The following CEP112 variants were observed in gnomAD, a reference collection of about 807,000 sequenced individuals.
CEP112 encodes the protein centrosomal protein of 112 kDa.
A neutral mutation model predicts 153.0 loss-of-function variants in CEP112; 127 were observed. That is an observed-to-expected ratio of 0.83 (90% CI 0.72 to 0.96). The LOEUF is 0.96. CEP112 is among the 40% of genes least tolerant of loss of function. The probability of loss-of-function intolerance (pLI) is 0.00; values close to 1 mark genes in which losing one functional copy is unlikely to be tolerated. For missense variants in CEP112, 1,089 were observed against 1,101.2 expected, an observed-to-expected ratio of 0.99 and a Z score of 0.16; for synonymous variants, 358 against 374.4, an observed-to-expected ratio of 0.96 and a Z score of 0.51.
chr17:65,757,492 T>G (rs1283746175), intron 21 of CEP112, among the ~76,000 whole-genome samples: 1 of 152,220 alleles, frequency 6.6e-6, no homozygotes, highest in Non-Finnish European at 1.5e-5. Context: ...AAATCCAGTA[T>G]GAGTCCCAGG....
chr17:66,059,541 G>A (rs923852821), intron 11 of CEP112, among the ~76,000 whole-genome samples: 3 of 152,042 alleles, frequency 2.0e-5, no homozygotes, highest in African/African-American at 7.2e-5. Context: ...ACAAACATAC[G>A]AAAAAATGTT....
At chr17:65,925,938 C>T (rs73346886) in intron 19 of CEP112, among the ~76,000 whole-genome samples, 5,726 of 152,238 alleles carry the variant, frequency 0.038, 320 homozygotes, top group African/African-American at 0.12. Context: ...TTCTAAGCCA[C>T]TGAGGTTTAG....
chr17:65,810,313 T>A (rs1046408119), intron 21 of CEP112, among the ~76,000 whole-genome samples: 34 of 152,134 alleles, frequency 2.2e-4, no homozygotes, highest in African/African-American at 8.2e-4. Flanking sequence ...CACACACATT[T>A]CCTAGCCCCC....
At position 65,639,836 on chromosome 17, in the gene CEP112, CTTTT is replaced by C. The variant is rs554226605; in HGVS notation, c.2799+1124_2799+1127del. Among the ~76,000 whole-genome samples, 5 of 110,954 alleles carry C rather than the reference CTTTT, an allele frequency of 4.5e-5. No homozygotes were observed. In the East Asian group the frequency reaches 1.1e-3, roughly 24 times the overall value. 72.8% of individuals were successfully genotyped at this position (110,954 alleles called of 152,430 possible). On this transcript the variant is annotated intron_variant, in intron 25 of 26. Coordinates refer to ENST00000535342, the MANE Select transcript of CEP112 (RefSeq NM_001199165.4). ...ATTTCTTTTTTTTCTCTCTTTCTTT[CTTTT>C]TTTTTTTTTTTTTTGAGACGGAGTC...
intron 11 of CEP112, among the ~76,000 whole-genome samples, chr17:66,059,885 T>C (rs1346837473): frequency 1.3e-5 from 2 of 152,074 alleles, no homozygotes; most frequent in Non-Finnish European, 2.9e-5. Flanking sequence ...AGCAAAGACA[T>C]GGAATCAACC....
intron 21 of CEP112, among the ~76,000 whole-genome samples, chr17:65,758,561 T>C (rs2052421345): frequency 6.6e-6 from 1 of 152,206 alleles, no homozygotes; most frequent in African/African-American, 2.4e-5. Flanking sequence ...CAGGCATTCA[T>C]GATTTCCAGG....
At chr17:65,841,170 A>C (rs1418603541) in intron 21 of CEP112, among the ~76,000 whole-genome samples, 1 of 151,906 alleles carries the variant, frequency 6.6e-6, no homozygotes, top group Non-Finnish European at 1.5e-5. Flanking sequence ...AAGAAAGGAA[A>C]TTAGTATACC....
intron 19 of CEP112, chr17:65,913,455 T>C: frequency 1.0e-6 from 1 of 973,724 alleles, no homozygotes; most frequent in Non-Finnish European, 1.2e-6. Context: ...TCTTACTTTC[T>C]GAACACTTTA....
chr17:65,942,005 T>A (rs4790923), intron 18 of CEP112, among the ~76,000 whole-genome samples: 62,391 of 151,510 alleles, frequency 0.41, 14,173 homozygotes, highest in East Asian at 0.87. Flanking sequence ...CTTGTTGGTA[T>A]ACGTAAGAGA....
At chr17:66,069,877 G>A in intron 9 of CEP112, 38 bp downstream of exon 9, 1 of 1,114,936 alleles carries the variant, frequency 9.0e-7, no homozygotes, top group Non-Finnish European at 1.3e-6. Context: ...AATATTTTTA[G>A]TGTTCAATAT....
chr17:66,151,926 T>C (rs2071227821), intron 4 of CEP112, among the ~76,000 whole-genome samples: 1 of 152,108 alleles, frequency 6.6e-6, no homozygotes, highest in Non-Finnish European at 1.5e-5. Flanking sequence ...AATTAAAAAA[T>C]AAATGTTGCT....
intron 20 of CEP112, among the ~76,000 whole-genome samples, chr17:65,878,833 TAA>T (rs368848280): frequency 5.8e-5 from 8 of 137,796 alleles, no homozygotes; most frequent in African/African-American, 5.4e-5. Context: ...GGCTCTTCCC[TAA>T]AAAAAAAAAA....
chr17:65,777,229 C>T (rs1265949813), intron 21 of CEP112, among the ~76,000 whole-genome samples: 1 of 152,132 alleles, frequency 6.6e-6, no homozygotes, highest in Non-Finnish European at 1.5e-5. Flanking sequence ...TTAATGCAAG[C>T]TTGGACCACA....
chr17:65,822,318 G>A (rs899646730), intron 21 of CEP112, among the ~76,000 whole-genome samples: 2 of 152,056 alleles, frequency 1.3e-5, no homozygotes, highest in African/African-American at 4.8e-5. Context: ...ACCCACAGGG[G>A]ATTGGTTCCA....
chr17:66,189,788 C>T (rs1335676179), intron 1 of CEP112, among the ~76,000 whole-genome samples: 1 of 151,946 alleles, frequency 6.6e-6, no homozygotes, highest in Admixed American at 6.6e-5. Context: ...CCAAACACTT[C>T]GGGAGGCCAA....
intron 20 of CEP112, among the ~76,000 whole-genome samples, chr17:65,863,756 A>AG (rs58348723): frequency 1.3e-5 from 2 of 150,882 alleles, no homozygotes; most frequent in Non-Finnish European, 3.0e-5. Context: ...TCTCAAAAAA[A>AG]AAAAGAAAAA....
At chr17:66,124,716 A>C (rs185284448) in intron 6 of CEP112, among the ~76,000 whole-genome samples, 4 of 152,298 alleles carry the variant, frequency 2.6e-5, no homozygotes, top group Admixed American at 2.6e-4. Context: ...TAAGGAAGAA[A>C]AAAAACACAA....
chr17:66,183,356 T>C, intron 1 of CEP112, 49 bp from the exon 2 acceptor site: 3 of 1,268,014 alleles, frequency 2.4e-6, no homozygotes, highest in South Asian at 1.3e-5. Context: ...TGCTGAAAAC[T>C]ACAAAACTCT....
At chr17:65,930,866 TC>T (rs1380358978) in intron 18 of CEP112, among the ~76,000 whole-genome samples, 2 of 149,426 alleles carry the variant, frequency 1.3e-5, no homozygotes, top group Middle Eastern at 3.4e-3. Flanking sequence ...TTTTTTTTTT[TC>T]ATCCAGTCAG....
Sources: gnomAD v4.1 joint callset for allele counts (sites outside exome capture counted in the v4.1 genomes callset) on GRCh38, gnomAD v4.1.1 for gene constraint, MANE v1.5 for transcripts, NCBI Gene and HGNC (gene_info 2026-07-23, HGNC 2026-07-21) for gene names.